The following EPB41L4A variants were observed in gnomAD, a reference collection of about 807,000 sequenced individuals.
The protein encoded by EPB41L4A is band 4.1-like protein 4A.
EPB41L4A carries 100 observed loss-of-function variants against 108.6 expected under a neutral mutation model. The ratio of observed to expected loss-of-function variants is 0.92; its 90% CI spans 0.78 to 1.09. The LOEUF is 1.09. Among genes scored for constraint, EPB41L4A ranks in the 50% least tolerant of loss-of-function variants. The probability of loss-of-function intolerance (pLI) is 0.00; values close to 1 mark genes in which losing one functional copy is unlikely to be tolerated. For missense variants in EPB41L4A, 1,030 were observed against 842.7 expected, an observed-to-expected ratio of 1.22 and a Z score of -2.75; for synonymous variants, 319 against 289.0, an observed-to-expected ratio of 1.10 and a Z score of -1.05.
intron 2 of EPB41L4A, among the ~76,000 whole-genome samples, chr5:112,304,423 C>T (rs1304216414): frequency 6.6e-6 from 1 of 152,182 alleles, no homozygotes; most frequent in Non-Finnish European, 1.5e-5. Context: ...ACACACCAGT[C>T]TGGATCAAGA....
intron 12 of EPB41L4A, among the ~76,000 whole-genome samples, chr5:112,226,760 A>T (rs1748483015): frequency 6.6e-6 from 1 of 152,070 alleles, no homozygotes; most frequent in South Asian, 2.1e-4. Context: ...TATATGAAGT[A>T]CTAAAGTAGT....
intron 18 of EPB41L4A, among the ~76,000 whole-genome samples, chr5:112,178,678 AG>A (rs1260629243): frequency 6.6e-6 from 1 of 152,038 alleles, no homozygotes; most frequent in Non-Finnish European, 1.5e-5. Context: ...TAAAAATGCC[AG>A]CATCAAAAAA....
At chr5:112,348,297 G>A (rs1248427474) in intron 1 of EPB41L4A, among the ~76,000 whole-genome samples, 1 of 152,144 alleles carries the variant, frequency 6.6e-6, no homozygotes, top group Non-Finnish European at 1.5e-5. Flanking sequence ...AAGTTATGCA[G>A]TATATATGAT....
chr5:112,164,843 A>G lies in EPB41L4A; in HGVS notation c.*147T>C. 1.0e-6 allele frequency: 1 copy of G among 978,982 alleles called. No homozygotes were observed. Among genetic ancestry groups the G allele is most frequent in the Non-Finnish European group, 1.4e-6 (1 of 699,998 alleles). 60.6% of individuals were successfully genotyped at this position (978,982 alleles called of 1,614,324 possible). Reference sequence around the variant, plus strand: ...AGTGATAACATCTCAAAAAAAAAAAAAAAAAGAAGCAAAAGATAATGTATT... The same window carrying G: ...AGTGATAACATCTCAAAAAAAAAAAGAAAAAGAAGCAAAAGATAATGTATT... On this transcript the variant is annotated 3_prime_UTR_variant, in exon 23 of 23. Transcript: ENST00000261486.
rs115188898 is a variant in EPB41L4A at position 112,151,709 on chromosome 5, C to A, written n.995-5711G>T. On this transcript the variant is annotated intron_variant and non_coding_transcript_variant, in intron 12 of 13. Coordinates refer to the EPB41L4A transcript ENST00000507810. The stretch of plus-strand genomic sequence containing the variant: ...AGGCATGAGCCACTGCACCCAGTCC[C>A]ATATTATTTTATATATTTAGTCTTT... 8.7e-3 allele frequency among the ~76,000 whole-genome samples: 1,317 copies of A among 151,174 alleles called. 23 individuals are homozygous for A. Among genetic ancestry groups the A allele is most frequent in the African/African-American group, 0.03 (1,222 of 40,964 alleles).
At position 112,209,895 on chromosome 5, in the gene EPB41L4A, T is replaced by C. The variant is rs759653036; in HGVS notation, c.1175A>G (p.Lys392Arg). The change falls in exon 13 of 23, where the codon AAA becomes AGA. Residue 392 changes from lysine (K) to arginine (R), a missense_variant. By Grantham distance (26) the Lys-to-Arg change is conservative. Coordinates refer to ENST00000261486, the MANE Select transcript of EPB41L4A (RefSeq NM_022140.5). ...TIKIIAPSPV[K>R]SFKKAKNENS... Reference sequence around the variant, plus strand: ...TTCTTCAGTTAACTTCACTGACCTTTTTACTGGTGAAGGTGCAATAATTTT... The same window carrying C: ...TTCTTCAGTTAACTTCACTGACCTTCTTACTGGTGAAGGTGCAATAATTTT... 5.0e-6 allele frequency: 8 copies of C among 1,592,920 alleles called. No homozygotes were observed. The South Asian group carries it at 6.7e-5, about 13-fold the overall frequency.
At chr5:112,271,380 A>G (rs1240976299) in intron 4 of EPB41L4A, among the ~76,000 whole-genome samples, 1 of 152,234 alleles carries the variant, frequency 6.6e-6, no homozygotes, top group Non-Finnish European at 1.5e-5. Flanking sequence ...ATTATTGAAC[A>G]CTTACATCTT....
chr5:112,346,057 C>G lies in EPB41L4A; in HGVS notation c.100-38567G>C, dbSNP rs139985423. Reference sequence around the variant, plus strand: ...CTTAGATTACTAGAAAGACTAAGAACAAGACTGTTAGCCACACACTCCACA... The same window carrying G: ...CTTAGATTACTAGAAAGACTAAGAAGAAGACTGTTAGCCACACACTCCACA... On this transcript the variant is annotated intron_variant, in intron 1 of 22. Coordinates refer to ENST00000261486, the MANE Select transcript of EPB41L4A (RefSeq NM_022140.5). Among the ~76,000 whole-genome samples, 486 of 151,878 alleles carry G rather than the reference C, an allele frequency of 3.2e-3. 1 individual carries two copies. Among genetic ancestry groups the G allele is most frequent in the African/African-American group, 0.011 (441 of 41,456 alleles).
intron 11 of EPB41L4A, among the ~76,000 whole-genome samples, chr5:112,235,877 A>G (rs1237411155): frequency 6.6e-6 from 1 of 152,186 alleles, no homozygotes. Flanking sequence ...GGGAGGGGAG[A>G]GGAGCAAACT....
chr5:112,242,882 T>C lies in EPB41L4A; in HGVS notation c.796-2072A>G, dbSNP rs562986761. ...GTAATATTTTGAAAGGAATCCTTTTTTTTCTGAGCAGTAGATATCAACATT... is the reference window on the plus strand; with the variant it reads ...GTAATATTTTGAAAGGAATCCTTTTCTTTCTGAGCAGTAGATATCAACATT... On this transcript the variant is annotated intron_variant, in intron 9 of 22. Coordinates refer to ENST00000261486, the MANE Select transcript of EPB41L4A (RefSeq NM_022140.5). 3.3e-5 allele frequency among the ~76,000 whole-genome samples: 5 copies of C among 152,274 alleles called. No homozygotes were observed. In the East Asian group the frequency reaches 9.7e-4, roughly 29 times the overall value.
At chr5:112,192,142 ATG>A (rs1180556467) in intron 17 of EPB41L4A, 1 of 152,330 alleles carries the variant, frequency 6.6e-6, no homozygotes, top group African/African-American at 2.4e-5. Context: ...ATGCATCCTC[ATG>A]TGGGATGAGT....
intron 1 of EPB41L4A, among the ~76,000 whole-genome samples, chr5:112,358,143 C>T (rs1758486077): frequency 6.6e-6 from 1 of 152,240 alleles, no homozygotes; most frequent in Admixed American, 6.5e-5. Flanking sequence ...CAACATTCCC[C>T]TGGAAGATCA....
At chr5:112,147,205 A>G (rs1331021863) in intron 12 of EPB41L4A, among the ~76,000 whole-genome samples, 1 of 152,236 alleles carries the variant, frequency 6.6e-6, no homozygotes, top group Non-Finnish European at 1.5e-5. Flanking sequence ...TATCTCTGTC[A>G]TTGACAAGTC....
At position 112,162,859 on chromosome 5, in the gene EPB41L4A, T is replaced by C. The variant is rs148402953; in HGVS notation, c.*2131A>G. 5 of 152,316 alleles carry C rather than the reference T, an allele frequency of 3.3e-5. No homozygotes were observed. The East Asian group carries it at 9.6e-4, about 29-fold the overall frequency. The allele number at this position is 152,316 out of a possible 1,614,324, so 9.4% of individuals were successfully genotyped here. The stretch of plus-strand genomic sequence containing the variant: ...AAGGCAAAACTGGGGGAATGACATA[T>C]ACAGAGGCTTGGGCTAGAAAAAAGA... On this transcript the variant is annotated 3_prime_UTR_variant, in exon 23 of 23. Transcript: ENST00000261486.
intron 9 of EPB41L4A, among the ~76,000 whole-genome samples, chr5:112,254,860 T>A (rs536393807): frequency 1.0e-3 from 156 of 152,120 alleles, no homozygotes; most frequent in African/African-American, 3.4e-3. Flanking sequence ...TCATGACCTC[T>A]CATCAGCAAA....
chr5:112,166,006 ACAC>A (rs1210919260), intron 22 of EPB41L4A, among the ~76,000 whole-genome samples: 2 of 152,230 alleles, frequency 1.3e-5, no homozygotes, highest in Non-Finnish European at 2.9e-5. Context: ...TGGGAAGAGA[ACAC>A]CAGTGAATGT....
At chr5:112,316,757 A>G (rs1397718018) in intron 1 of EPB41L4A, among the ~76,000 whole-genome samples, 1 of 152,248 alleles carries the variant, frequency 6.6e-6, no homozygotes, top group Non-Finnish European at 1.5e-5. Context: ...AAATTTAGCC[A>G]GGGCTCAGAA....
chr5:112,187,634 TAC>T (rs1213435168), intron 17 of EPB41L4A, among the ~76,000 whole-genome samples: 4 of 152,222 alleles, frequency 2.6e-5, no homozygotes, highest in Admixed American at 6.5e-5. Context: ...TCTTACCAAT[TAC>T]AGTCCTTCCT....
chr5:112,377,205 CTGTT>C (rs1287405340), intron 1 of EPB41L4A, among the ~76,000 whole-genome samples: 16 of 128,990 alleles, frequency 1.2e-4, no homozygotes, highest in South Asian at 7.7e-4. Flanking sequence ...ATACTGTTGT[CTGTT>C]TGTTTGAAAA....
Sources: allele counts gnomAD v4.1 joint callset (sites outside exome capture counted in the v4.1 genomes callset), GRCh38; gene constraint gnomAD v4.1.1; transcripts MANE v1.5; gene names NCBI Gene and HGNC (gene_info 2026-07-23, HGNC 2026-07-21).